Variants in NALCN observed in about 807,000 individuals in gnomAD.
NALCN encodes the protein sodium leak channel NALCN.
A neutral mutation model predicts 225.3 loss-of-function variants in NALCN; 111 were observed. That is an observed-to-expected ratio of 0.49 (90% CI 0.42 to 0.58). The LOEUF is 0.58. Among genes scored for constraint, NALCN ranks in the 20% least tolerant of loss-of-function variants. NALCN has a pLI of 0.00. For synonymous variants in NALCN, 764 were observed against 769.0 expected, an observed-to-expected ratio of 0.99 and a Z score of 0.11; for missense variants, 1,378 against 2,202.4, an observed-to-expected ratio of 0.63 and a Z score of 7.49.
chr13:101,101,576 T>C (rs603588), intron 26 of NALCN, among the ~76,000 whole-genome samples: 104,283 of 151,512 alleles, frequency 0.69, 36,245 homozygotes, highest in South Asian at 0.72. Context: ...CCACTATGCC[T>C]GGCCTGGATT....
chr13:101,334,485 G>GGAGAGAGGCAATCCAGGAAGAATGGGAT (rs2045309868), intron 7 of NALCN, among the ~76,000 whole-genome samples: 1 of 152,268 alleles, frequency 6.6e-6, no homozygotes, highest in African/African-American at 2.4e-5. Context: ...AGAAGAGAAT[G>GGAGAGAGGCAATCCAGGAAGAATGGGAT]GACTGCCAGT....
chr13:101,140,849 A>G (rs925744927), intron 17 of NALCN, among the ~76,000 whole-genome samples: 1 of 152,212 alleles, frequency 6.6e-6, no homozygotes, highest in Non-Finnish European at 1.5e-5. Context: ...ACTTGAGCTC[A>G]GGAGTTCAAG....
At position 101,068,052 on chromosome 13, in the gene NALCN, T is replaced by A; in HGVS notation, c.4331-19A>T. 6.9e-7 allele frequency: 1 copy of A among 1,453,142 alleles called. No individual in the cohort carries two copies. Among genetic ancestry groups the A allele is most frequent in the East Asian group, 2.3e-5 (1 of 44,060 alleles). 90.0% of individuals were successfully genotyped at this position (1,453,142 alleles called of 1,614,324 possible). A position where few individuals can be genotyped will look rare whatever the true frequency, so the allele number is the denominator to read the frequency against. On this transcript the variant is annotated intron_variant, in intron 38 of 43. Coordinates refer to ENST00000251127, the MANE Select transcript of NALCN (RefSeq NM_052867.4). ...ATTATGGCTTTTAAAAAAAGAAAAA[T>A]TCAGAAGTTAGACCATTATGCTAAT...
chr13:101,205,342 A>G (rs563482780), intron 13 of NALCN, among the ~76,000 whole-genome samples: 8 of 151,998 alleles, frequency 5.3e-5, no homozygotes, highest in African/African-American at 1.9e-4. Context: ...TAACCTTTTT[A>G]TTTTTATGAA....
chr13:101,243,088 T>C (rs1345382144), intron 11 of NALCN, among the ~76,000 whole-genome samples: 1 of 56,436 alleles, frequency 1.8e-5, no homozygotes, highest in African/African-American at 7.9e-5. Flanking sequence ...GTTTGCAGAT[T>C]TATGTTTTTT....
chr13:101,336,973 C>T (rs1461701799), intron 7 of NALCN, among the ~76,000 whole-genome samples: 2 of 152,104 alleles, frequency 1.3e-5, no homozygotes, highest in Non-Finnish European at 2.9e-5. Flanking sequence ...AGTTCTCTCC[C>T]ACATCTCTAG....
At chr13:101,093,805 T>A (rs1217524092) in intron 28 of NALCN, among the ~76,000 whole-genome samples, 1 of 152,120 alleles carries the variant, frequency 6.6e-6, no homozygotes, top group East Asian at 1.9e-4. Flanking sequence ...ATCCAACTGA[T>A]CCTATAACTC....
chr13:101,220,526 C>T (rs1265988953), intron 13 of NALCN, among the ~76,000 whole-genome samples: 3 of 152,070 alleles, frequency 2.0e-5, no homozygotes, highest in African/African-American at 7.2e-5. Context: ...ATGGATTTCA[C>T]CTTTAGTAAC....
At chr13:101,130,494 G>A (rs2139727321) in intron 17 of NALCN, among the ~76,000 whole-genome samples, 1 of 152,226 alleles carries the variant, frequency 6.6e-6, no homozygotes, top group African/African-American at 2.4e-5. Context: ...GGTTATCTGA[G>A]GCATGTTTTT....
intron 36 of NALCN, among the ~76,000 whole-genome samples, chr13:101,073,928 T>C (rs1448291289): frequency 6.6e-6 from 1 of 152,174 alleles, no homozygotes; most frequent in African/African-American, 2.4e-5. Flanking sequence ...TAGGCAGGCT[T>C]TGGCAACTAA....
chr13:101,247,761 A>G (rs1462237193), intron 11 of NALCN, among the ~76,000 whole-genome samples: 1 of 152,110 alleles, frequency 6.6e-6, no homozygotes, highest in Non-Finnish European at 1.5e-5. Flanking sequence ...TGACCTAGGT[A>G]TTAAGCCCCA....
chr13:101,104,467 A>T lies in NALCN; in HGVS notation c.2758-41T>A, dbSNP rs550097537. The stretch of plus-strand genomic sequence containing the variant: ...GGCAGTTTGGTTACAATGAACGGAA[A>T]AACAGCAGGTCAGTATTTTACCTCC... On this transcript the variant is annotated intron_variant, in intron 24 of 43. Transcript: ENST00000251127. The surrounding 1 kb of genome is among the most constrained non-coding windows in gnomAD (Gnocchi z 4.2). 1.0e-4 allele frequency: 164 copies of T among 1,612,598 alleles called. 4 individuals are homozygous for T. In the South Asian group the frequency reaches 1.7e-3, roughly 17 times the overall value.
intron 18 of NALCN, among the ~76,000 whole-genome samples, chr13:101,121,841 G>A (rs188358528): frequency 1.2e-3 from 180 of 152,230 alleles, no homozygotes; most frequent in Middle Eastern, 6.8e-3. Flanking sequence ...GGAGAGCGGA[G>A]TCCCTAGAGG....
chr13:101,264,311 T>C (rs1373572489), intron 10 of NALCN, among the ~76,000 whole-genome samples: 1 of 152,114 alleles, frequency 6.6e-6, no homozygotes, highest in African/African-American at 2.4e-5. Context: ...AATTGCAATG[T>C]CATTTTGGTT....
At chr13:101,271,221 C>T (rs966257062) in intron 10 of NALCN, among the ~76,000 whole-genome samples, 4 of 151,894 alleles carry the variant, frequency 2.6e-5, no homozygotes, top group African/African-American at 9.7e-5. Context: ...ATATTTTAAT[C>T]TTATTTTTTA....
chr13:101,254,947 A>T (rs1359551183), intron 11 of NALCN, among the ~76,000 whole-genome samples: 1 of 151,512 alleles, frequency 6.6e-6, no homozygotes, highest in Non-Finnish European at 1.5e-5. Context: ...GCATTCATGT[A>T]ATGTACCAAT....
intron 14 of NALCN, among the ~76,000 whole-genome samples, chr13:101,187,290 C>A (rs55920244): frequency 0.016 from 2,475 of 152,276 alleles, 62 homozygotes; most frequent in African/African-American, 0.056. Context: ...TATAATAAAA[C>A]ACATAGTATA....
intron 15 of NALCN, among the ~76,000 whole-genome samples, chr13:101,175,824 C>A (rs1461309119): frequency 6.6e-6 from 1 of 152,214 alleles, no homozygotes; most frequent in African/African-American, 2.4e-5. Flanking sequence ...TGTTTTCATA[C>A]ATAACTGGGT....
chr13:101,374,332 G>A (rs981648384), intron 6 of NALCN, among the ~76,000 whole-genome samples: 1 of 145,162 alleles, frequency 6.9e-6, no homozygotes, highest in Non-Finnish European at 1.5e-5. Context: ...CTGGAGTGCA[G>A]TGGCGCGATC....
Sources: allele counts gnomAD v4.1 joint callset (sites outside exome capture counted in the v4.1 genomes callset), GRCh38; gene constraint gnomAD v4.1.1; non-coding constraint Gnocchi (gnomAD v3.1); transcripts MANE v1.5; gene names NCBI Gene and HGNC (gene_info 2026-07-23, HGNC 2026-07-21).